The following LRCH1 variants were observed in gnomAD, a reference collection of about 807,000 sequenced individuals.
LRCH1 encodes the protein leucine rich repeats and calponin homology domain containing 1.
LRCH1 carries 23 observed loss-of-function variants against 94.9 expected under a neutral mutation model. That is an observed-to-expected ratio of 0.24 (90% CI 0.17 to 0.34). LRCH1 has a LOEUF of 0.34. LRCH1 is among the 10% of genes least tolerant of loss of function. The pLI is 1.00. For missense variants in LRCH1, 790 were observed against 945.9 expected, an observed-to-expected ratio of 0.84 and a Z score of 2.16; for synonymous variants, 364 against 354.9, an observed-to-expected ratio of 1.03 and a Z score of -0.29.
intron 1 of LRCH1, among the ~76,000 whole-genome samples, chr13:46,561,340 G>C (rs2050127944): frequency 6.6e-6 from 1 of 152,212 alleles, no homozygotes; most frequent in South Asian, 2.1e-4. Context: ...TCCCTCTGCT[G>C]GAGGGGGACC....
At chr13:46,723,706 G>A (rs1872689504) in intron 17 of LRCH1, among the ~76,000 whole-genome samples, 1 of 152,008 alleles carries the variant, frequency 6.6e-6, no homozygotes, top group Non-Finnish European at 1.5e-5. Context: ...AGGCTGAGGT[G>A]GGAGGATCAG....
At chr13:46,608,980 A>G (rs556432416) in intron 1 of LRCH1, among the ~76,000 whole-genome samples, 12 of 152,182 alleles carry the variant, frequency 7.9e-5, no homozygotes, top group Non-Finnish European at 1.6e-4. Context: ...AGCATGTATT[A>G]TATCATGTAA....
intron 19 of LRCH1, among the ~76,000 whole-genome samples, chr13:46,740,875 G>A (rs767954161): frequency 4.6e-5 from 7 of 152,090 alleles, no homozygotes; most frequent in Non-Finnish European, 1.0e-4. Context: ...TCCTTACATG[G>A]TGACTGTTGA....
At position 46,631,849 on chromosome 13, in the gene LRCH1, G is replaced by A. The variant is rs114530728; in HGVS notation, c.308-18352G>A. Among the ~76,000 whole-genome samples the A allele has an allele frequency of 6.5e-3, 986 of 152,108 alleles. 13 individuals are homozygous for A. Among genetic ancestry groups the A allele is most frequent in the African/African-American group, 0.02 (848 of 41,486 alleles). On this transcript the variant is annotated intron_variant, in intron 1 of 19. Transcript: ENST00000389797. Reference sequence around the variant, plus strand: ...AGGTCAAATTATTTTACCTTTCTGCGTCTCCGTTTCCTCTTCTGCAAGTGG... The same window carrying A: ...AGGTCAAATTATTTTACCTTTCTGCATCTCCGTTTCCTCTTCTGCAAGTGG...
At chr13:46,623,635 C>T (rs1410468470) in intron 1 of LRCH1, among the ~76,000 whole-genome samples, 3 of 151,054 alleles carry the variant, frequency 2.0e-5, no homozygotes, top group Non-Finnish European at 4.4e-5. Context: ...ATTTGTTCCA[C>T]CACTGCTGCC....
intron 14 of LRCH1, among the ~76,000 whole-genome samples, chr13:46,712,241 C>G (rs536185250): frequency 3.9e-5 from 6 of 152,186 alleles, no homozygotes; most frequent in African/African-American, 1.4e-4. Context: ...TGTGCATGCA[C>G]CCATGCACAC....
chr13:46,747,407 G>A (rs532083820), downstream of LRCH1, among the ~76,000 whole-genome samples: 12 of 152,254 alleles, frequency 7.9e-5, no homozygotes, highest in East Asian at 1.9e-3. Flanking sequence ...CAGGCCACTG[G>A]AGCCACTGCT....
chr13:46,615,158 G>GT (rs1332746437), intron 1 of LRCH1, among the ~76,000 whole-genome samples: 2 of 152,198 alleles, frequency 1.3e-5, no homozygotes, highest in Non-Finnish European at 2.9e-5. Flanking sequence ...CTGAGACTGG[G>GT]TAATTTATAA....
chr13:46,598,645 T>C (rs1044174199), intron 1 of LRCH1, among the ~76,000 whole-genome samples: 3 of 149,580 alleles, frequency 2.0e-5, no homozygotes, highest in Non-Finnish European at 4.4e-5. Context: ...TTTGAGGAAA[T>C]GGTTTTGCAA....
intron 1 of LRCH1, among the ~76,000 whole-genome samples, chr13:46,559,091 CTT>C (rs543608427): frequency 3.9e-5 from 6 of 152,216 alleles, no homozygotes; most frequent in Non-Finnish European, 8.8e-5. Context: ...TGTTAGCACT[CTT>C]TAGTCGTTGG....
chr13:46,735,019 C>T (rs1203967302), intron 19 of LRCH1, among the ~76,000 whole-genome samples: 2 of 150,840 alleles, frequency 1.3e-5, no homozygotes, highest in Non-Finnish European at 2.9e-5. Context: ...CTTTTTTCAG[C>T]TTGGTGGGAT....
At chr13:46,561,689 AC>A (rs2050131639) in intron 1 of LRCH1, among the ~76,000 whole-genome samples, 3 of 152,180 alleles carry the variant, frequency 2.0e-5, no homozygotes, top group Non-Finnish European at 4.4e-5. Context: ...CAAAGACAGC[AC>A]CATCAACACA....
At chr13:46,563,358 T>G (rs2050149423) in intron 1 of LRCH1, among the ~76,000 whole-genome samples, 1 of 152,212 alleles carries the variant, frequency 6.6e-6, no homozygotes, top group Admixed American at 6.5e-5. Context: ...CCTTTTTTTT[T>G]TAAGTATAGC....
exon 19 of LRCH1, chr13:46,750,809 C>T: frequency 3.7e-6 from 2 of 538,134 alleles, no homozygotes; most frequent in Non-Finnish European, 6.7e-6. Context: ...GGATTTTCTA[C>T]CTTTCAGAGC....
intron 17 of LRCH1, among the ~76,000 whole-genome samples, chr13:46,727,202 G>A (rs1429509872): frequency 6.6e-6 from 1 of 152,162 alleles, no homozygotes; most frequent in Non-Finnish European, 1.5e-5. Flanking sequence ...AAAACCAAAT[G>A]GAAATTGGGA....
intron 8 of LRCH1, 25 bp downstream of exon 8, chr13:46,692,666 AG>A (rs1341509796): frequency 5.1e-6 from 8 of 1,566,850 alleles, no homozygotes; most frequent in Non-Finnish European, 7.0e-6. Flanking sequence ...ATGTGGAGAA[AG>A]TGCTTGTTTT....
intron 1 of LRCH1, among the ~76,000 whole-genome samples, chr13:46,649,269 G>T (rs2051261581): frequency 3.9e-5 from 6 of 152,128 alleles, no homozygotes; most frequent in Admixed American, 3.9e-4. Context: ...TACTGTTTGA[G>T]TCTCTTCTGA....
chr13:46,572,604 A>G (rs2050252806), intron 1 of LRCH1, among the ~76,000 whole-genome samples: 1 of 152,220 alleles, frequency 6.6e-6, no homozygotes, highest in Non-Finnish European at 1.5e-5. Context: ...CTAAAGAAAA[A>G]AAAAGCTCGA....
chr13:46,562,469 C>A (rs7984347), intron 1 of LRCH1, among the ~76,000 whole-genome samples: 2 of 151,974 alleles, frequency 1.3e-5, no homozygotes, highest in South Asian at 2.1e-4. Context: ...TTGTCCCTTC[C>A]TGAGCCCAAA....
Sources: allele counts gnomAD v4.1 joint callset (sites outside exome capture counted in the v4.1 genomes callset), GRCh38; gene constraint gnomAD v4.1.1; transcripts MANE v1.5; gene names NCBI Gene and HGNC (gene_info 2026-07-23, HGNC 2026-07-21).